Variants in CNTNAP2 observed in about 807,000 individuals in gnomAD.
The protein encoded by CNTNAP2 is contactin associated protein 2.
CNTNAP2 carries 98 observed loss-of-function variants against 155.2 expected under a neutral mutation model. The observed-to-expected ratio is 0.63, with a 90% confidence interval of 0.54 to 0.75. The LOEUF is 0.75. CNTNAP2 is among the 30% of genes least tolerant of loss of function. CNTNAP2 has a pLI of 0.00. For missense variants in CNTNAP2, 1,727 were observed against 1,688.1 expected (o/e 1.02, Z -0.40); for synonymous variants, 651 against 631.2 (o/e 1.03, Z -0.47).
At chr7:146,940,548 T>A (rs978695280) in intron 3 of CNTNAP2, among the ~76,000 whole-genome samples, 1 of 152,064 alleles carries the variant, frequency 6.6e-6, no homozygotes, top group African/African-American at 2.4e-5. Flanking sequence ...TAATAAATTA[T>A]GTGTTTGCTG....
At chr7:148,095,497 G>C (rs1803945634) in intron 15 of CNTNAP2, among the ~76,000 whole-genome samples, 2 of 152,222 alleles carry the variant, frequency 1.3e-5, no homozygotes, top group Non-Finnish European at 2.9e-5. Flanking sequence ...AGTGTTTGCA[G>C]AGCTTCTGTA....
intron 1 of CNTNAP2, among the ~76,000 whole-genome samples, chr7:146,292,674 C>T (rs1245620597): frequency 1.3e-5 from 2 of 152,144 alleles, no homozygotes; most frequent in Non-Finnish European, 2.9e-5. Flanking sequence ...TCTGCACTCC[C>T]ATGGTTAGTG....
intron 9 of CNTNAP2, among the ~76,000 whole-genome samples, chr7:147,331,939 G>T (rs1795578178): frequency 6.6e-6 from 1 of 152,124 alleles, no homozygotes; most frequent in Non-Finnish European, 1.5e-5. Context: ...TGGCTTTACT[G>T]TTCACAACAT....
chr7:146,603,817 T>C (rs1585002479), intron 1 of CNTNAP2, among the ~76,000 whole-genome samples: 2 of 149,050 alleles, frequency 1.3e-5, no homozygotes, highest in Non-Finnish European at 1.5e-5. Flanking sequence ...AAACAAGCAA[T>C]GGGGAAAGGA....
At chr7:146,766,501 C>G (rs1802197129) in intron 1 of CNTNAP2, among the ~76,000 whole-genome samples, 1 of 152,114 alleles carries the variant, frequency 6.6e-6, no homozygotes, top group East Asian at 1.9e-4. Context: ...TACCTGAAGT[C>G]ACTATAGAAA....
chr7:147,412,956 A>G (rs570408323), intron 10 of CNTNAP2, among the ~76,000 whole-genome samples: 2 of 152,302 alleles, frequency 1.3e-5, no homozygotes, highest in East Asian at 1.9e-4. Context: ...ATGTGCATAC[A>G]TGTTTGTGGT....
chr7:148,091,204 T>C lies in CNTNAP2; in HGVS notation c.2384-26914T>C, dbSNP rs143463955. Among the ~76,000 whole-genome samples, 268 of 152,250 alleles carry C rather than the reference T, an allele frequency of 1.8e-3. 1 individual carries two copies. Among genetic ancestry groups the C allele is most frequent in the African/African-American group, 6.2e-3 (256 of 41,560 alleles). On this transcript the variant is annotated intron_variant, in intron 15 of 23. Transcript: ENST00000361727. ...CATATTGTGTATATGAAAATTGCTATGAGAGTGGATTTTATGTTTCCATTA... is the reference window on the plus strand; with the variant it reads ...CATATTGTGTATATGAAAATTGCTACGAGAGTGGATTTTATGTTTCCATTA...
chr7:147,779,302 G>C (rs1797631756), intron 13 of CNTNAP2, among the ~76,000 whole-genome samples: 1 of 152,164 alleles, frequency 6.6e-6, no homozygotes, highest in South Asian at 2.1e-4. Context: ...CGGGAGATTA[G>C]AATAAATGTA....
chr7:146,892,401 A>G lies in CNTNAP2; in HGVS notation c.402+52497A>G, dbSNP rs116066060. On this transcript the variant is annotated intron_variant, in intron 3 of 23. Transcript: ENST00000361727. Reference sequence around the variant, plus strand: ...ATTCCATTGGTTGAAGCAGCCACAAAGCCAGCTCAGTTTTAAGAGGCAGAG... The same window carrying G: ...ATTCCATTGGTTGAAGCAGCCACAAGGCCAGCTCAGTTTTAAGAGGCAGAG... Among the ~76,000 whole-genome samples the G allele has an allele frequency of 3.6e-3, 552 of 152,314 alleles. 3 individuals are homozygous for G. The highest frequency in any genetic ancestry group is 0.012 in the African/African-American group (519 of 41,570).
chr7:146,554,163 A>C (rs966150293), intron 1 of CNTNAP2, among the ~76,000 whole-genome samples: 1 of 152,160 alleles, frequency 6.6e-6, no homozygotes, highest in Non-Finnish European at 1.5e-5. Context: ...GCCTTGCTGG[A>C]ACCATTTGAG....
At chr7:146,537,343 A>G (rs1040469945) in intron 1 of CNTNAP2, among the ~76,000 whole-genome samples, 1 of 152,160 alleles carries the variant, frequency 6.6e-6, no homozygotes, top group African/African-American at 2.4e-5. Flanking sequence ...ATTTTAAAAC[A>G]TTAAAATACC....
chr7:146,808,013 T>C (rs1366829000), intron 2 of CNTNAP2, among the ~76,000 whole-genome samples: 3 of 152,136 alleles, frequency 2.0e-5, no homozygotes, highest in Admixed American at 6.6e-5. Context: ...TGATAAGAGA[T>C]GTCTTCGAAA....
chr7:148,382,010 C>T (rs1200674658), intron 21 of CNTNAP2, among the ~76,000 whole-genome samples: 1 of 152,204 alleles, frequency 6.6e-6, no homozygotes, highest in Non-Finnish European at 1.5e-5. Flanking sequence ...GACCCTGCTG[C>T]CTTACAGGAA....
In CNTNAP2 at chr7:146,413,042, C is replaced by A. The variant is rs142908304; in HGVS notation, c.97+296069C>A. Among the ~76,000 whole-genome samples, 598 of 152,192 alleles carry A rather than the reference C, an allele frequency of 3.9e-3. 6 individuals carry two copies. Among genetic ancestry groups the A allele is most frequent in the African/African-American group, 0.014 (570 of 41,460 alleles). On this transcript the variant is annotated intron_variant, in intron 1 of 23. Transcript: ENST00000361727. Reference sequence around the variant, plus strand: ...TCGGTGAATCAGGCTATTACAGTTACACAAACTGCGTTGCAGAGCAAAAAA... The same window carrying A: ...TCGGTGAATCAGGCTATTACAGTTAAACAAACTGCGTTGCAGAGCAAAAAA...
At chr7:148,296,545 C>CAAAAAAAAA (rs143609414) in intron 21 of CNTNAP2, among the ~76,000 whole-genome samples, 3,862 of 76,252 alleles carry the variant, frequency 0.051, 456 homozygotes, top group East Asian at 0.11. Context: ...GACTCTGTCT[C>CAAAAAAAAA]AAAAAAAAAA....
At chr7:147,273,068 G>A (rs975388532) in intron 8 of CNTNAP2, among the ~76,000 whole-genome samples, 2 of 152,028 alleles carry the variant, frequency 1.3e-5, no homozygotes, top group Non-Finnish European at 2.9e-5. Context: ...CATGGTGCGG[G>A]GTTTCCACTG....
chr7:147,460,929 A>C (rs754196942), intron 10 of CNTNAP2, among the ~76,000 whole-genome samples: 4 of 152,316 alleles, frequency 2.6e-5, no homozygotes, highest in Non-Finnish European at 4.4e-5. Flanking sequence ...TGTTTGGCCG[A>C]ATACATTGAC....
At chr7:146,997,799 T>G (rs549628702) in intron 3 of CNTNAP2, among the ~76,000 whole-genome samples, 10 of 152,234 alleles carry the variant, frequency 6.6e-5, no homozygotes, top group Non-Finnish European at 1.5e-4. Context: ...TGTTCAGAAT[T>G]TATTGATTTC....
intron 3 of CNTNAP2, among the ~76,000 whole-genome samples, chr7:147,027,903 A>C (rs1030335877): frequency 1.3e-5 from 2 of 152,224 alleles, no homozygotes; most frequent in African/African-American, 4.8e-5. Flanking sequence ...AATAGAAAAT[A>C]AACACAGTTT....
Sources: gnomAD v4.1 joint callset for allele counts (sites outside exome capture counted in the v4.1 genomes callset) on GRCh38, gnomAD v4.1.1 for gene constraint, MANE v1.5 for transcripts, NCBI Gene and HGNC (gene_info 2026-07-23, HGNC 2026-07-21) for gene names.